Variants in SLCO1A2 observed in about 807,000 individuals in gnomAD.
The protein encoded by SLCO1A2 is OATP-1.
SLCO1A2 carries 67 observed loss-of-function variants against 69.0 expected under a neutral mutation model. That is an observed-to-expected ratio of 0.97 (90% CI 0.80 to 1.19). The LOEUF is 1.19. Among genes scored for constraint, SLCO1A2 ranks in the 50% most tolerant of loss-of-function variants. The pLI is 0.00. For missense variants in SLCO1A2, 787 were observed against 793.7 expected (o/e 0.99, Z 0.10); for synonymous variants, 260 against 265.9 (o/e 0.98, Z 0.22).
intron 1 of SLCO1A2, among the ~76,000 whole-genome samples, chr12:21,412,610 G>C (rs374545569): frequency 6.6e-6 from 1 of 152,240 alleles, no homozygotes; most frequent in East Asian, 1.9e-4. Context: ...ACCTTTGAAA[G>C]GTAAGAGTAA....
chr12:21,364,244 T>C (rs1939186056), intron 2 of SLCO1A2, among the ~76,000 whole-genome samples: 1 of 152,160 alleles, frequency 6.6e-6, no homozygotes, highest in Admixed American at 6.5e-5. Flanking sequence ...TGGTTCAACA[T>C]ATGCAAATCA....
At chr12:21,293,583 GTA>G (rs1401461200) in intron 11 of SLCO1A2, among the ~76,000 whole-genome samples, 6 of 149,788 alleles carry the variant, frequency 4.0e-5, no homozygotes, top group African/African-American at 1.5e-4. Flanking sequence ...ATATATGTGT[GTA>G]TATATATATG....
At chr12:21,318,643 G>A (rs1030796719) in intron 3 of SLCO1A2, 139 bp downstream of exon 3, 5 of 612,640 alleles carry the variant, frequency 8.2e-6, no homozygotes, top group South Asian at 7.6e-5. Flanking sequence ...TCTAAGCTTA[G>A]CTAATCAGTT....
At chr12:21,274,051 T>C (rs4149004) in intron 14 of SLCO1A2, 5,786 of 153,072 alleles carry the variant, frequency 0.038, 464 homozygotes, top group East Asian at 0.35. Context: ...GGAGAAAATA[T>C]ATGATTTTGG....
intron 1 of SLCO1A2, among the ~76,000 whole-genome samples, chr12:21,388,407 C>T (rs958866297): frequency 1.3e-5 from 2 of 152,042 alleles, no homozygotes; most frequent in East Asian, 1.9e-4. Flanking sequence ...ATCATGGGGG[C>T]GGTTTTTCCC....
intron 1 of SLCO1A2, among the ~76,000 whole-genome samples, chr12:21,401,235 A>G (rs777626582): frequency 1.4e-4 from 21 of 151,924 alleles, no homozygotes; most frequent in Non-Finnish European, 2.6e-4. Context: ...AAAAGTTCCT[A>G]TATTGTAATT....
intron 1 of SLCO1A2, among the ~76,000 whole-genome samples, chr12:21,394,321 C>G (rs950789687): frequency 3.9e-5 from 6 of 152,006 alleles, no homozygotes; most frequent in African/African-American, 1.5e-4. Context: ...TATTTAAGTC[C>G]AGGAGTTTGA....
intron 12 of SLCO1A2, among the ~76,000 whole-genome samples, chr12:21,276,427 C>T (rs1014925568): frequency 6.7e-6 from 1 of 148,404 alleles, no homozygotes; most frequent in Non-Finnish European, 1.5e-5. Context: ...CACACACAGA[C>T]CTATCTGTCC....
chr12:21,304,523 T>G lies in SLCO1A2; in HGVS notation c.493A>C (p.Asn165His). The G allele has an allele frequency of 6.2e-7, 1 of 1,613,244 alleles. No homozygotes were observed. The highest frequency in any genetic ancestry group is 8.5e-7 in the Non-Finnish European group (1 of 1,179,290). ...GTTTCACCCATTCCACGTACAATAT[T>G]GCCTACTAGGACGTACACCCACATT... ...SLMWVYVLVG[N>H]IVRGMGETPI... Residue 165 changes from asparagine (N) to histidine (H), a missense_variant, in exon 6 of 15, where the codon AAT becomes CAT. Coordinates refer to ENST00000683939, the MANE Select transcript of SLCO1A2 (RefSeq NM_001386879.1).
chr12:21,324,903 G>T (rs7958005), intron 2 of SLCO1A2, among the ~76,000 whole-genome samples: 8,567 of 152,220 alleles, frequency 0.056, 369 homozygotes, highest in Non-Finnish European at 0.089. Context: ...GCATCCTCAG[G>T]TAGCAAGATC....
intron 12 of SLCO1A2, among the ~76,000 whole-genome samples, chr12:21,287,011 G>A (rs1432094617): frequency 7.3e-6 from 1 of 136,610 alleles, no homozygotes; most frequent in Non-Finnish European, 1.6e-5. Context: ...TTGACAAATG[G>A]GATCTAATTA....
intron 2 of SLCO1A2, among the ~76,000 whole-genome samples, chr12:21,373,957 A>T (rs1939995631): frequency 6.6e-6 from 1 of 152,162 alleles, no homozygotes; most frequent in African/African-American, 2.4e-5. Context: ...AATCTAAAAG[A>T]AGTAGTTAAA....
chr12:21,346,902 C>T (rs1953268628), intron 2 of SLCO1A2, among the ~76,000 whole-genome samples: 1 of 151,678 alleles, frequency 6.6e-6, no homozygotes. Context: ...TAAAGAAGAA[C>T]ATTTCCTTCA....
At chr12:21,387,412 C>T (rs1940934279) in intron 1 of SLCO1A2, among the ~76,000 whole-genome samples, 1 of 152,132 alleles carries the variant, frequency 6.6e-6, no homozygotes, top group Non-Finnish European at 1.5e-5. Flanking sequence ...CCAGGGCCCT[C>T]CTGCTGTGTA....
At chr12:21,316,853 T>G (rs1292056761) in intron 3 of SLCO1A2, among the ~76,000 whole-genome samples, 3 of 152,180 alleles carry the variant, frequency 2.0e-5, no homozygotes, top group Non-Finnish European at 4.4e-5. Flanking sequence ...GACTGCAATG[T>G]GAACATATAA....
At chr12:21,327,633 A>C (rs900489595) in intron 2 of SLCO1A2, among the ~76,000 whole-genome samples, 2 of 152,096 alleles carry the variant, frequency 1.3e-5, no homozygotes, top group African/African-American at 4.8e-5. Flanking sequence ...TTAAGGTTTG[A>C]CTGCTCACTG....
chr12:21,275,406 C>A lies in SLCO1A2; in HGVS notation c.1629G>T (p.Glu543Asp). The change falls in exon 13 of 15, where the codon GAG (glutamate) becomes GAT (aspartate). Residue 543 changes from glutamate to aspartate, a missense_variant. Glu to Asp is a conservative substitution (Grantham distance 45). Coordinates refer to ENST00000683939, the MANE Select transcript of SLCO1A2 (RefSeq NM_001386879.1). ...MVLLRCMKSE[E>D]KSLGVGLHTF... ...TATGTAATCCCACACCAAGGGACTT[C>A]TCTTCAGATTTCATACACCTGAAAA... is the stretch of plus-strand genomic sequence containing the variant. The A allele has an allele frequency of 6.6e-7, 1 of 1,513,396 alleles. No homozygotes were observed. Among genetic ancestry groups the A allele is most frequent in the Non-Finnish European group, 8.9e-7 (1 of 1,121,850 alleles). 93.7% of individuals were successfully genotyped at this position (1,513,396 alleles called of 1,614,324 possible). A position where few individuals can be genotyped will look rare whatever the true frequency, so the allele number is the denominator to read the frequency against.
At position 21,266,583 on chromosome 12, in the gene SLCO1A2, T is replaced by TTCTG. The variant is rs1232015649; in HGVS notation, c.*2961_*2964dup. On this transcript the variant is annotated 3_prime_UTR_variant, in exon 15 of 15. Transcript: ENST00000683939. ...TTTCCACCCACAGAAGTCATTCTGG[T>TTCTG]TCTGTCTCCATGTCTATATACACAA... 3 of 152,090 alleles carry TTCTG rather than the reference T, an allele frequency of 2.0e-5. No homozygotes were observed. The East Asian group carries it at 5.8e-4, about 29-fold the overall frequency. The allele number at this position is 152,090 out of a possible 1,614,324, so 9.4% of individuals were successfully genotyped here. A position where few individuals can be genotyped will look rare whatever the true frequency, so the allele number is the denominator to read the frequency against.
intron 12 of SLCO1A2, among the ~76,000 whole-genome samples, chr12:21,280,571 G>A (rs916504150): frequency 1.3e-5 from 2 of 151,162 alleles, no homozygotes; most frequent in Non-Finnish European, 2.9e-5. Flanking sequence ...GAAGCACCCA[G>A]ATATATAAAG....
Sources: gnomAD v4.1 joint callset for allele counts (sites outside exome capture counted in the v4.1 genomes callset) on GRCh38, gnomAD v4.1.1 for gene constraint, MANE v1.5 for transcripts, NCBI Gene and HGNC (gene_info 2026-07-23, HGNC 2026-07-21) for gene names.